Variants in LGR5 observed in about 807,000 individuals in gnomAD.
LGR5 encodes the protein leucine-rich repeat-containing G protein-coupled receptor 5.
Under a neutral mutation model 76.7 loss-of-function variants are expected in LGR5, and 54 were observed. The observed-to-expected ratio is 0.70, with a 90% CI of 0.57 to 0.88. The LOEUF (loss-of-function observed/expected upper bound fraction) is 0.88. LGR5 is among the 40% of genes least tolerant of loss of function. LGR5 has a pLI of 0.00. For synonymous variants in LGR5, 406 were observed against 421.9 expected (o/e 0.96, Z 0.46); for missense variants, 1,078 against 1,073.3 (o/e 1.00, Z -0.06).
rs1039733654 is a variant in LGR5 at position 71,580,531 on chromosome 12, C to T, written c.1552+108C>T. On this transcript the variant is annotated intron_variant, in intron 16 of 17. Coordinates refer to ENST00000266674, the MANE Select transcript of LGR5 (RefSeq NM_003667.4). ...ATCGAACAGGCCGGGTGTGGTGGCACACACCTGTAATCCCAACAGTTTGGG... is the reference window on the plus strand; with the variant it reads ...ATCGAACAGGCCGGGTGTGGTGGCATACACCTGTAATCCCAACAGTTTGGG... 3.5e-6 allele frequency: 4 copies of T among 1,151,412 alleles called. No homozygotes were observed. The African/African-American group carries it at 6.2e-5, about 18-fold the overall frequency. 71.3% of individuals were successfully genotyped at this position (1,151,412 alleles called of 1,614,324 possible).
At chr12:71,552,543 C>T (rs1304202339) in intron 4 of LGR5, among the ~76,000 whole-genome samples, 6 of 146,850 alleles carry the variant, frequency 4.1e-5, no homozygotes, top group Non-Finnish European at 7.4e-5. Context: ...CCAGCCTGGG[C>T]GACAAGAGCG....
chr12:71,481,659 C>A (rs1873609123), intron 1 of LGR5, among the ~76,000 whole-genome samples: 1 of 152,078 alleles, frequency 6.6e-6, no homozygotes, highest in South Asian at 2.1e-4. Context: ...AGATTTCATC[C>A]TGTTGGCATG....
In LGR5 at chr12:71,503,560, C is replaced by T. The variant is rs1374699172; in HGVS notation, c.213-1054C>T. Among the ~76,000 whole-genome samples, 3 of 152,100 alleles carry T rather than the reference C, an allele frequency of 2.0e-5. No homozygotes were observed. In the East Asian group the frequency reaches 5.8e-4, roughly 29 times the overall value. ...TAAAGTCAATATTTGATAAAAGAACCAAGTTATATTGTGAATGAAATCAGC... is the reference window on the plus strand; with the variant it reads ...TAAAGTCAATATTTGATAAAAGAACTAAGTTATATTGTGAATGAAATCAGC... On this transcript the variant is annotated intron_variant, in intron 1 of 17. Transcript: ENST00000266674.
At chr12:71,470,690 C>A (rs2137242411) in intron 1 of LGR5, among the ~76,000 whole-genome samples, 1 of 152,310 alleles carries the variant, frequency 6.6e-6, no homozygotes. Context: ...ATAAATCTTG[C>A]TATAATCTTA....
chr12:71,551,978 C>G (rs1877506228), intron 4 of LGR5, among the ~76,000 whole-genome samples: 2 of 152,050 alleles, frequency 1.3e-5, no homozygotes, highest in African/African-American at 4.8e-5. Flanking sequence ...AGGGCCCCTT[C>G]TCTGTTTTCC....
chr12:71,456,015 A>T (rs1407296610), intron 1 of LGR5, among the ~76,000 whole-genome samples: 2 of 152,182 alleles, frequency 1.3e-5, no homozygotes, highest in Non-Finnish European at 2.9e-5. Context: ...TGGTTAGAAT[A>T]TTATAATATA....
intron 1 of LGR5, chr12:71,448,788 G>C (rs1872129764): frequency 6.6e-6 from 1 of 152,214 alleles, no homozygotes; most frequent in South Asian, 2.1e-4. Flanking sequence ...TTTGTTGAGT[G>C]AATCTACAAA....
At chr12:71,571,473 T>C (rs373066862) in intron 11 of LGR5, 41 bp from the exon 12 acceptor site, 7 of 1,411,768 alleles carry the variant, frequency 5.0e-6, no homozygotes, top group Middle Eastern at 1.8e-4. Context: ...TTATGATTTA[T>C]TTGTAACAGA....
chr12:71,444,851 CAATT>C (rs1299178526), intron 1 of LGR5, among the ~76,000 whole-genome samples: 2 of 152,070 alleles, frequency 1.3e-5, no homozygotes, highest in East Asian at 1.9e-4. Context: ...TCAGACCAAA[CAATT>C]AACCCAATAA....
rs1044463170 is a variant in LGR5 at position 71,494,377 on chromosome 12, C to A, written c.213-10237C>A. Among the ~76,000 whole-genome samples the A allele has an allele frequency of 9.9e-5, 15 of 150,988 alleles. 1 individual carries two copies. The highest frequency in any genetic ancestry group is 3.7e-4 in the African/African-American group (15 of 40,372). Reference sequence around the variant, plus strand: ...ACAAGCATGAACCACTGAACCACTGCGCCTGGCTTGAGTAAAGAGTCTTTT... The same window carrying A: ...ACAAGCATGAACCACTGAACCACTGAGCCTGGCTTGAGTAAAGAGTCTTTT... On this transcript the variant is annotated intron_variant, in intron 1 of 17. Coordinates refer to ENST00000266674, the MANE Select transcript of LGR5 (RefSeq NM_003667.4).
chr12:71,540,185 T>C (rs1030720130), intron 4 of LGR5, among the ~76,000 whole-genome samples: 2 of 152,202 alleles, frequency 1.3e-5, no homozygotes, highest in African/African-American at 4.8e-5. Flanking sequence ...TTTGTGATTG[T>C]CATTAATGAA....
chr12:71,572,632 C>T (rs905805154), intron 12 of LGR5, among the ~76,000 whole-genome samples: 17 of 152,174 alleles, frequency 1.1e-4, no homozygotes, highest in African/African-American at 3.9e-4. Context: ...TATGGTTTTA[C>T]GTCCTCCCAA....
intron 1 of LGR5, among the ~76,000 whole-genome samples, chr12:71,491,482 T>A (rs1874070769): frequency 6.6e-6 from 1 of 152,134 alleles, no homozygotes; most frequent in Non-Finnish European, 1.5e-5. Flanking sequence ...AATAAAGTTT[T>A]TCCATGGAGG....
chr12:71,493,528 G>T (rs1874171907), intron 1 of LGR5, among the ~76,000 whole-genome samples: 1 of 151,076 alleles, frequency 6.6e-6, no homozygotes, highest in South Asian at 2.1e-4. Context: ...AACTTTATGA[G>T]GCATTTACTT....
chr12:71,479,388 T>C (rs12826993), intron 1 of LGR5, among the ~76,000 whole-genome samples: 13,636 of 152,238 alleles, frequency 0.09, 657 homozygotes, highest in Non-Finnish European at 0.11. Context: ...ATGCAGCATT[T>C]ATTCAGCTGG....
At position 71,584,287 on chromosome 12, in the gene LGR5, T is replaced by C. The variant is rs1384262617; in HGVS notation, c.2277T>C (p.Ile759=). ...TGGACAAGGGAGACCTGGAGAATAT[T>C]TGGGACTGCTCTATGGTAAAACACA... ...CNLDKGDLEN[I]WDCSMVKHIA... The change falls in exon 18 of 18, where the codon ATT becomes ATC. Residue 759 remains isoleucine, a synonymous_variant. Coordinates refer to ENST00000266674, the MANE Select transcript of LGR5 (RefSeq NM_003667.4). 1 of 1,614,090 alleles carries C rather than the reference T, an allele frequency of 6.2e-7. No homozygotes were observed. Among genetic ancestry groups the C allele is most frequent in the African/African-American group, 1.3e-5 (1 of 74,930 alleles).
intron 1 of LGR5, among the ~76,000 whole-genome samples, chr12:71,460,443 AG>A (rs1052517444): frequency 6.6e-6 from 1 of 152,104 alleles, no homozygotes; most frequent in African/African-American, 2.4e-5. Flanking sequence ...TCTGAGTCTC[AG>A]GGTTTTCATC....
At chr12:71,533,132 G>A (rs953121781) in intron 3 of LGR5, among the ~76,000 whole-genome samples, 2 of 152,078 alleles carry the variant, frequency 1.3e-5, no homozygotes, top group African/African-American at 4.8e-5. Flanking sequence ...ATCACTTGAG[G>A]TCAGGAGTTT....
intron 13 of LGR5, among the ~76,000 whole-genome samples, chr12:71,576,676 A>G (rs1878870862): frequency 6.6e-6 from 1 of 152,116 alleles, no homozygotes; most frequent in African/African-American, 2.4e-5. Flanking sequence ...GAACATATAA[A>G]TTCTCACATA....
Sources: gnomAD v4.1 joint callset for allele counts (sites outside exome capture counted in the v4.1 genomes callset) on GRCh38, gnomAD v4.1.1 for gene constraint, MANE v1.5 for transcripts, NCBI Gene and HGNC (gene_info 2026-07-23, HGNC 2026-07-21) for gene names.